C12orf75: variants seen among roughly 807,000 people sequenced by gnomAD.
C12orf75 encodes overexpressed in colon carcinoma 1 protein.
Under a neutral mutation model 11.4 loss-of-function variants are expected in C12orf75, and 4 were observed. The observed-to-expected ratio is 0.35, with a 90% CI of 0.17 to 0.80. The LOEUF is 0.80. C12orf75 is among the 30% of genes least tolerant of loss of function. The pLI is 0.52. For synonymous variants in C12orf75, 30 were observed against 30.0 expected (o/e 1.00, Z 0.00); for missense variants, 89 against 80.4 (o/e 1.11, Z -0.41).
chr12:105,340,033 C>T (rs1892548094), intron 1 of C12orf75, among the ~76,000 whole-genome samples: 2 of 152,162 alleles, frequency 1.3e-5, no homozygotes, highest in African/African-American at 4.8e-5. Context: ...ACATGCTGGA[C>T]AGTATGATTC....
chr12:105,354,744 A>C (rs1367861227), intron 2 of C12orf75, among the ~76,000 whole-genome samples: 1 of 152,156 alleles, frequency 6.6e-6, no homozygotes, highest in African/African-American at 2.4e-5. Flanking sequence ...GACCCTGTGA[A>C]ATAGGAGCAG....
chr12:105,366,664 T>C lies in C12orf75; in HGVS notation c.155T>C (p.Met52Thr), dbSNP rs781668458. The C allele has an allele frequency of 6.5e-7, 1 of 1,543,262 alleles. No homozygotes were observed. Among genetic ancestry groups the C allele is most frequent in the Non-Finnish European group, 8.8e-7 (1 of 1,139,656 alleles). The change falls in exon 4 of 6, where the codon ATG (methionine) becomes ACG (threonine). Residue 52 changes from methionine to threonine, a missense_variant. Physicochemically the swap from Met to Thr is moderately conservative, Grantham distance 81. Transcript: ENST00000443585. ...YVGLPSEAVN[M>T]VSSQTKTVRK... ...GGCCTACCATCTGAAGCTGTCAATA[T>C]GGTGTCCAGTCAAACAAAGACGGTT...
chr12:105,340,531 A>G (rs1227563473), intron 1 of C12orf75, among the ~76,000 whole-genome samples: 1 of 151,988 alleles, frequency 6.6e-6, no homozygotes, highest in South Asian at 2.1e-4. Flanking sequence ...TGCATGATAC[A>G]TATATTACAT....
intron 5 of C12orf75, among the ~76,000 whole-genome samples, chr12:105,368,842 C>A (rs541711223): frequency 7.3e-4 from 111 of 152,266 alleles, no homozygotes; most frequent in African/African-American, 2.6e-3. Flanking sequence ...GGAGTTTTAT[C>A]CCCTCGTACC....
chr12:105,345,821 G>T (rs1279106709), intron 1 of C12orf75, among the ~76,000 whole-genome samples: 1 of 150,208 alleles, frequency 6.7e-6, no homozygotes, highest in Non-Finnish European at 1.5e-5. Flanking sequence ...ACCACACCTG[G>T]CTAATTTTTG....
intron 1 of C12orf75, among the ~76,000 whole-genome samples, chr12:105,336,807 A>T (rs1892504650): frequency 6.6e-6 from 1 of 152,212 alleles, no homozygotes; most frequent in African/African-American, 2.4e-5. Context: ...AGTAAGGGGC[A>T]GGTGATCAAC....
intron 2 of C12orf75, among the ~76,000 whole-genome samples, chr12:105,364,954 C>T (rs532486533): frequency 1.3e-5 from 2 of 151,078 alleles, no homozygotes; most frequent in South Asian, 2.1e-4. Context: ...GATTCCTGTG[C>T]CTCAGCCTCT....
chr12:105,354,812 C>T (rs1592881850), intron 2 of C12orf75, among the ~76,000 whole-genome samples: 1 of 152,168 alleles, frequency 6.6e-6, no homozygotes, highest in Non-Finnish European at 1.5e-5. Flanking sequence ...AGGTGGTGAC[C>T]AGCAAGTGCT....
chr12:105,345,832 T>TG (rs1892632994), intron 1 of C12orf75, among the ~76,000 whole-genome samples: 1 of 149,038 alleles, frequency 6.7e-6, no homozygotes, highest in East Asian at 2.1e-4. Flanking sequence ...CTAATTTTTG[T>TG]ATTTTTTTTT....
At position 105,350,501 on chromosome 12, in the gene C12orf75, T is replaced by C. The variant is rs117347476; in HGVS notation, c.71+1875T>C. ...GGCCCTTTCCCTTTCCCTTTCTGTT[T>C]ATAGAAATGACATCTGTTCTGTAGG... On this transcript the variant is annotated intron_variant, in intron 2 of 5. Transcript: ENST00000443585. Among the ~76,000 whole-genome samples, 7 of 152,318 alleles carry C rather than the reference T, an allele frequency of 4.6e-5. No homozygotes were observed. In the East Asian group the frequency reaches 1.2e-3, roughly 25 times the overall value.
chr12:105,359,686 G>A (rs369829790), intron 2 of C12orf75, among the ~76,000 whole-genome samples: 1 of 149,244 alleles, frequency 6.7e-6, no homozygotes, highest in Non-Finnish European at 1.5e-5. Flanking sequence ...TAGGAGAATC[G>A]TTTGAACCCA....
chr12:105,363,262 G>C (rs781623981), intron 2 of C12orf75, among the ~76,000 whole-genome samples: 2 of 152,250 alleles, frequency 1.3e-5, no homozygotes, highest in Non-Finnish European at 2.9e-5. Flanking sequence ...CCTGCACTGT[G>C]CCTGACACAC....
intron 2 of C12orf75, among the ~76,000 whole-genome samples, chr12:105,365,108 A>G (rs764425032): frequency 7.9e-5 from 12 of 152,126 alleles, no homozygotes; most frequent in Non-Finnish European, 1.5e-4. Context: ...AAGTGCTGGT[A>G]TTACAGGCAT....
At chr12:105,348,717 G>T (rs1486640331) in intron 2 of C12orf75, 91 bp downstream of exon 2, 3 of 782,364 alleles carry the variant, frequency 3.8e-6, no homozygotes, top group Non-Finnish European at 6.1e-6. Context: ...CTGTGGGTAT[G>T]GCTGAAAAGA....
At chr12:105,354,361 G>A (rs1044397493) in intron 2 of C12orf75, among the ~76,000 whole-genome samples, 3 of 152,164 alleles carry the variant, frequency 2.0e-5, no homozygotes, top group Non-Finnish European at 1.5e-5. Context: ...TGAGGACTGT[G>A]CACCATACAC....
At chr12:105,345,245 T>G (rs1258932008) in intron 1 of C12orf75, among the ~76,000 whole-genome samples, 2 of 152,012 alleles carry the variant, frequency 1.3e-5, no homozygotes, top group African/African-American at 4.8e-5. Context: ...CCCTAACACT[T>G]TGGGAAGCTG....
intron 1 of C12orf75, among the ~76,000 whole-genome samples, chr12:105,344,979 A>C (rs1892620058): frequency 7.0e-6 from 1 of 142,778 alleles, no homozygotes. Context: ...CCCCCAACCA[A>C]TTAAATGGAC....
chr12:105,355,189 T>TGTC (rs200562517), intron 2 of C12orf75, among the ~76,000 whole-genome samples: 1 of 139,490 alleles, frequency 7.2e-6, no homozygotes, highest in Non-Finnish European at 1.6e-5. Flanking sequence ...TCTTTTTTTT[T>TGTC]TTCAGAGTTT....
At chr12:105,352,707 G>A (rs1407358572) in intron 2 of C12orf75, among the ~76,000 whole-genome samples, 1 of 152,120 alleles carries the variant, frequency 6.6e-6, no homozygotes, top group Non-Finnish European at 1.5e-5. Flanking sequence ...AGCTGATGGT[G>A]GTTTGGGGAG....
Sources: gnomAD v4.1 joint callset for allele counts (sites outside exome capture counted in the v4.1 genomes callset) on GRCh38, gnomAD v4.1.1 for gene constraint, MANE v1.5 for transcripts, NCBI Gene and HGNC (gene_info 2026-07-23, HGNC 2026-07-21) for gene names.